The following KCNQ3 variants were observed in gnomAD, a reference collection of about 807,000 sequenced individuals.
KCNQ3 encodes the protein potassium voltage-gated channel subfamily Q member 3.
In KCNQ3, 30 loss-of-function variants were observed where a neutral mutation model predicts 92.5. The ratio of observed to expected loss-of-function variants is 0.32; its 90% CI spans 0.24 to 0.44. The LOEUF is 0.44. Among genes scored for constraint, KCNQ3 ranks in the 20% least tolerant of loss-of-function variants. The pLI is 1.00. For synonymous variants in KCNQ3, 450 were observed against 468.8 expected, an observed-to-expected ratio of 0.96 and a Z score of 0.52; for missense variants, 913 against 1,140.3, an observed-to-expected ratio of 0.80 and a Z score of 2.87.
chr8:132,382,434 G>A (rs1819777132), intron 1 of KCNQ3, among the ~76,000 whole-genome samples: 1 of 152,176 alleles, frequency 6.6e-6, no homozygotes, highest in African/African-American at 2.4e-5. Flanking sequence ...TTCCGCATGA[G>A]TAAAAGCTTC....
intron 1 of KCNQ3, among the ~76,000 whole-genome samples, chr8:132,214,896 G>A (rs1442999020): frequency 6.6e-6 from 1 of 152,238 alleles, no homozygotes; most frequent in Non-Finnish European, 1.5e-5. Context: ...ATGAATGGTA[G>A]GAGTTTTAGA....
At chr8:132,219,610 G>C (rs1157351225) in intron 1 of KCNQ3, among the ~76,000 whole-genome samples, 1 of 151,462 alleles carries the variant, frequency 6.6e-6, no homozygotes, top group Non-Finnish European at 1.5e-5. Flanking sequence ...CTTTGCACCT[G>C]CAATTCTGCC....
intron 1 of KCNQ3, among the ~76,000 whole-genome samples, chr8:132,215,058 T>G (rs1813981683): frequency 6.6e-6 from 1 of 152,142 alleles, no homozygotes; most frequent in Non-Finnish European, 1.5e-5. Context: ...TGAAGTGGAG[T>G]GCACCTGTCG....
chr8:132,312,433 C>T (rs1023921674), intron 1 of KCNQ3, among the ~76,000 whole-genome samples: 3 of 152,078 alleles, frequency 2.0e-5, no homozygotes, highest in African/African-American at 7.2e-5. Context: ...GGGGATGCAG[C>T]TACCACAGGC....
intron 1 of KCNQ3, among the ~76,000 whole-genome samples, chr8:132,436,739 A>T (rs1426566588): frequency 2.0e-5 from 3 of 152,194 alleles, no homozygotes; most frequent in Non-Finnish European, 4.4e-5. Flanking sequence ...AAATAGCCAA[A>T]CTGAAATAAT....
At chr8:132,268,136 G>A (rs1816047182) in intron 1 of KCNQ3, among the ~76,000 whole-genome samples, 1 of 152,190 alleles carries the variant, frequency 6.6e-6, no homozygotes, top group African/African-American at 2.4e-5. Context: ...TCTTTTTAGT[G>A]TCTCCATGTT....
chr8:132,310,084 C>G (rs1464121613), intron 1 of KCNQ3, among the ~76,000 whole-genome samples: 2 of 152,192 alleles, frequency 1.3e-5, no homozygotes, highest in Non-Finnish European at 1.5e-5. Flanking sequence ...AGGAATAGAT[C>G]TACTGGCCTC....
chr8:132,452,955 G>T (rs1821855793), intron 1 of KCNQ3, among the ~76,000 whole-genome samples: 1 of 152,204 alleles, frequency 6.6e-6, no homozygotes, highest in Non-Finnish European at 1.5e-5. Flanking sequence ...GTAACTTACA[G>T]ATTATGATAA....
intron 1 of KCNQ3, among the ~76,000 whole-genome samples, chr8:132,391,685 C>T (rs1370597889): frequency 6.6e-6 from 1 of 152,136 alleles, no homozygotes; most frequent in Non-Finnish European, 1.5e-5. Flanking sequence ...AAAACATCTT[C>T]CCCCTCCCAA....
intron 1 of KCNQ3, among the ~76,000 whole-genome samples, chr8:132,303,800 G>A (rs1376649815): frequency 6.8e-6 from 1 of 147,636 alleles, no homozygotes; most frequent in Non-Finnish European, 1.5e-5. Context: ...TATTACATGT[G>A]TGTATAGATA....
chr8:132,192,440 T>C (rs1180254386), intron 1 of KCNQ3, among the ~76,000 whole-genome samples: 1 of 152,178 alleles, frequency 6.6e-6, no homozygotes, highest in East Asian at 1.9e-4. Flanking sequence ...TGGACAAGGA[T>C]GTGGCGCTGA....
At chr8:132,334,576 G>A (rs1422447696) in intron 1 of KCNQ3, among the ~76,000 whole-genome samples, 6 of 152,176 alleles carry the variant, frequency 3.9e-5, no homozygotes, top group Non-Finnish European at 7.3e-5. Flanking sequence ...TAAAAGGACT[G>A]TACCTAAATG....
intron 1 of KCNQ3, among the ~76,000 whole-genome samples, chr8:132,403,016 C>CAAAAAAA (rs375099145): frequency 0.083 from 5,599 of 67,478 alleles, 850 homozygotes; most frequent in African/African-American, 0.21. Flanking sequence ...GGCACCATCA[C>CAAAAAAA]AAAAAAAAAA....
chr8:132,336,998 ACAGGTATGCC>A (rs1215014749), intron 1 of KCNQ3, among the ~76,000 whole-genome samples: 2 of 152,234 alleles, frequency 1.3e-5, no homozygotes, highest in Non-Finnish European at 2.9e-5. Context: ...CATTTTGGTA[ACAGGTATGCC>A]CAGAGAGGAG....
chr8:132,142,928 G>A (rs1044781375), intron 9 of KCNQ3, among the ~76,000 whole-genome samples: 23 of 152,136 alleles, frequency 1.5e-4, no homozygotes, highest in East Asian at 1.9e-4. Context: ...CTGTCATGGC[G>A]GCCTAACAAC....
At chr8:132,348,591 T>C (rs1290617033) in intron 1 of KCNQ3, among the ~76,000 whole-genome samples, 2 of 152,156 alleles carry the variant, frequency 1.3e-5, no homozygotes, top group Non-Finnish European at 2.9e-5. Flanking sequence ...TTTAAATTAG[T>C]TTCAATGCAA....
chr8:132,394,627 C>A (rs1456947495), intron 1 of KCNQ3, among the ~76,000 whole-genome samples: 1 of 152,112 alleles, frequency 6.6e-6, no homozygotes, highest in Non-Finnish European at 1.5e-5. Flanking sequence ...AAGTGGTACC[C>A]TACCCTACTT....
At chr8:132,175,427 A>T (rs2130133119) in intron 5 of KCNQ3, 26 bp downstream of exon 5, 1 of 1,613,490 alleles carries the variant, frequency 6.2e-7, no homozygotes, top group Middle Eastern at 1.7e-4. Context: ...AATCTCACAG[A>T]ATTGGCCTCC....
intron 1 of KCNQ3, among the ~76,000 whole-genome samples, chr8:132,234,847 C>A (rs903914470): frequency 1.3e-5 from 2 of 152,272 alleles, no homozygotes; most frequent in Non-Finnish European, 2.9e-5. Context: ...TCTCCATCAC[C>A]ACGGCTGCCC....
Sources: gnomAD v4.1 joint callset for allele counts (sites outside exome capture counted in the v4.1 genomes callset) on GRCh38, gnomAD v4.1.1 for gene constraint, MANE v1.5 for transcripts, NCBI Gene and HGNC (gene_info 2026-07-23, HGNC 2026-07-21) for gene names.